ZBTB7A: variants seen among roughly 807,000 people sequenced by gnomAD.
ZBTB7A encodes the protein zinc finger and BTB domain-containing protein 7A.
Under a neutral mutation model 26.7 loss-of-function variants are expected in ZBTB7A, and 7 were observed. That is an observed-to-expected ratio of 0.26 (90% CI 0.15 to 0.49). The LOEUF (loss-of-function observed/expected upper bound fraction) is 0.49, where lower values mean the gene tolerates loss of function less well. Ranked by LOEUF, ZBTB7A falls within the 20% of genes least tolerant of loss-of-function variation. The pLI is 0.98. For synonymous variants in ZBTB7A, 452 were observed against 441.0 expected, an observed-to-expected ratio of 1.02 and a Z score of -0.31; for missense variants, 617 against 919.5, an observed-to-expected ratio of 0.67 and a Z score of 4.25.
Position 4,054,368 on chromosome 19 carries a change from CGGGGGCCGCCTCCGACAGCGA to C in ZBTB7A, c.844_864del (p.Ser282_Pro288del). 6.9e-7 allele frequency: 1 copy of C among 1,452,926 alleles called. No homozygotes were observed. Among genetic ancestry groups the C allele is most frequent in the Non-Finnish European group, 9.0e-7 (1 of 1,113,798 alleles). The allele number at this position is 1,452,926 out of a possible 1,614,324, so 90.0% of individuals were successfully genotyped here. The stretch of plus-strand genomic sequence containing the variant: ...AGGAAGCCCGGAGAGTCGCCCGGCT[CGGGGGCCGCCTCCGACAGCGA>C]GGCGGCCTCCTCCTCTCCGCCGCGG... On this transcript the variant is annotated inframe_deletion, in exon 2 of 3. Coordinates refer to ENST00000322357, the MANE Select transcript of ZBTB7A (RefSeq NM_015898.4).
At chr19:4,055,541 G>A (rs540580357) in intron 1 of ZBTB7A, 4 of 946,320 alleles carry the variant, frequency 4.2e-6, no homozygotes, top group Middle Eastern at 5.4e-4. Context: ...CCCTGGCCTC[G>A]GCCTGGCGCG....
intron 2 of ZBTB7A, among the ~76,000 whole-genome samples, chr19:4,049,164 G>GTATATATA (rs748377446): frequency 7.0e-3 from 147 of 21,070 alleles, no homozygotes; most frequent in Non-Finnish European, 0.015. Flanking sequence ...GTGTGTGTGT[G>GTATATATA]TGTGTATATA....
At chr19:4,063,287 C>A (rs1280925174) in intron 1 of ZBTB7A, among the ~76,000 whole-genome samples, 2 of 152,198 alleles carry the variant, frequency 1.3e-5, no homozygotes, top group African/African-American at 4.8e-5. Context: ...CGGGGCTCAT[C>A]CAAGGTCGCA....
At chr19:4,058,657 T>TGGCCTCCTCCAAA (rs1555693638) in intron 1 of ZBTB7A, among the ~76,000 whole-genome samples, 4 of 151,894 alleles carry the variant, frequency 2.6e-5, no homozygotes, top group Non-Finnish European at 4.4e-5. Context: ...GGGCCTTTCA[T>TGGCCTCCTCCAAA]GGCCTCCTCC....
At chr19:4,065,273 C>A (rs1304535983) in intron 1 of ZBTB7A, among the ~76,000 whole-genome samples, 4 of 149,914 alleles carry the variant, frequency 2.7e-5, no homozygotes, top group Non-Finnish European at 6.0e-5. Flanking sequence ...GGACGGCCGT[C>A]CGGGCAGGGC....
chr19:4,059,440 C>A (rs557596512), intron 1 of ZBTB7A, among the ~76,000 whole-genome samples: 12 of 152,148 alleles, frequency 7.9e-5, no homozygotes, highest in African/African-American at 2.7e-4. Flanking sequence ...CCTGTTCCCC[C>A]CTAAATATCA....
chr19:4,065,748 C>A (rs962555788), intron 1 of ZBTB7A: 3 of 138,198 alleles, frequency 2.2e-5, no homozygotes, highest in Admixed American at 6.9e-5. Flanking sequence ...ACCCCCCCCC[C>A]ACGGGCGGGG....
chr19:4,054,342 C>T lies in ZBTB7A; in HGVS notation c.891G>A (p.Leu297=). The part of the protein sequence containing the change: ...APEPGDSPGF[L]SGAAEGEDGD... ...CGTCCTCGCCCTCGGCCGCTCCCGA[C>T]AGGAAGCCCGGAGAGTCGCCCGGCT... The change falls in exon 2 of 3, where the codon CTG becomes CTA. Residue 297 remains leucine (L), a synonymous_variant. Transcript: ENST00000322357. 1 of 1,504,646 alleles carries T rather than the reference C, an allele frequency of 6.6e-7. No individual in the cohort carries two copies. The highest frequency in any genetic ancestry group is 8.8e-7 in the Non-Finnish European group (1 of 1,134,986). 93.2% of individuals were successfully genotyped at this position (1,504,646 alleles called of 1,614,324 possible).
At chr19:4,064,651 G>A (rs980521398) in intron 1 of ZBTB7A, among the ~76,000 whole-genome samples, 5 of 152,218 alleles carry the variant, frequency 3.3e-5, no homozygotes, top group African/African-American at 1.2e-4. Flanking sequence ...AGGTTGGGGC[G>A]GGGGGCACTG....
rs1247218040 is a variant in ZBTB7A, at chr19:4,055,191, G to A, written c.42C>T (p.Pro14=). 4 of 1,580,234 alleles carry A rather than the reference G, an allele frequency of 2.5e-6. No homozygotes were observed. Among genetic ancestry groups the A allele is most frequent in the Non-Finnish European group, 3.4e-6 (4 of 1,162,704 alleles). ...CACTCAGGATGTCGCTGCTGTGGTC[G>A]GGGAACGGGATCCCGATGGGGCCGT... The part of the protein sequence containing the change: ...GVDGPIGIPF[P]DHSSDILSGL... Residue 14 remains proline (P), a synonymous_variant, in exon 2 of 3, where the codon CCC becomes CCT. Transcript: ENST00000322357.
chr19:4,056,036 C>G (rs2040573710), intron 1 of ZBTB7A, among the ~76,000 whole-genome samples: 1 of 151,802 alleles, frequency 6.6e-6, no homozygotes, highest in Non-Finnish European at 1.5e-5. Context: ...CCTCAGTTTC[C>G]CCAGCTGTGC....
chr19:4,056,641 G>A (rs1399102704), intron 1 of ZBTB7A, among the ~76,000 whole-genome samples: 3 of 151,938 alleles, frequency 2.0e-5, no homozygotes, highest in South Asian at 2.1e-4. Context: ...AGGCCGAGGC[G>A]GGCAGATCAC....
In ZBTB7A at chr19:4,062,946, G is replaced by A. The variant is rs2040654724; in HGVS notation, c.-16+3736C>T. 2.0e-5 allele frequency among the ~76,000 whole-genome samples: 3 copies of A among 152,230 alleles called. No individual in the cohort carries two copies. In the South Asian group the frequency reaches 6.2e-4, roughly 32 times the overall value. On this transcript the variant is annotated intron_variant, in intron 1 of 2. Coordinates refer to ENST00000322357, the MANE Select transcript of ZBTB7A (RefSeq NM_015898.4). The stretch of plus-strand genomic sequence containing the variant: ...TGGGAAGACTGAGGCTGGCAGAGGG[G>A]GAGTGACTGCTGGGGTGGACCCAAG...
intron 1 of ZBTB7A, among the ~76,000 whole-genome samples, chr19:4,060,399 G>A (rs1021716542): frequency 2.0e-5 from 3 of 152,184 alleles, no homozygotes; most frequent in Non-Finnish European, 4.4e-5. Context: ...CGAGAGCCAC[G>A]GCACCCGGGC....
intron 1 of ZBTB7A, among the ~76,000 whole-genome samples, chr19:4,059,401 C>A (rs1395238298): frequency 1.3e-5 from 2 of 152,132 alleles, no homozygotes; most frequent in African/African-American, 4.8e-5. Context: ...AGTCTCTGCC[C>A]TCTCCAGCCT....
intron 1 of ZBTB7A, among the ~76,000 whole-genome samples, chr19:4,060,593 T>C (rs1336705075): frequency 6.6e-6 from 1 of 152,176 alleles, no homozygotes; most frequent in Non-Finnish European, 1.5e-5. Flanking sequence ...CACCCTGACG[T>C]GGCTCAGGGA....
chr19:4,061,389 C>T (rs1186300058), intron 1 of ZBTB7A, among the ~76,000 whole-genome samples: 6 of 152,172 alleles, frequency 3.9e-5, no homozygotes, highest in Non-Finnish European at 7.3e-5. Flanking sequence ...CCCCGCCCAG[C>T]GGCCTGTGTT....
chr19:4,050,272 G>T (rs1450035848), intron 2 of ZBTB7A, among the ~76,000 whole-genome samples: 3 of 152,128 alleles, frequency 2.0e-5, no homozygotes, highest in Non-Finnish European at 4.4e-5. Context: ...TGTTGGCTGG[G>T]CTGGTCTTGA....
chr19:4,063,010 G>A (rs977750553), intron 1 of ZBTB7A, among the ~76,000 whole-genome samples: 1 of 148,102 alleles, frequency 6.8e-6, no homozygotes, highest in Admixed American at 6.7e-5. Flanking sequence ...CCCCACCCAA[G>A]GCTCACCCCC....
Sources: allele counts gnomAD v4.1 joint callset (sites outside exome capture counted in the v4.1 genomes callset), GRCh38; gene constraint gnomAD v4.1.1; transcripts MANE v1.5; gene names NCBI Gene and HGNC (gene_info 2026-07-23, HGNC 2026-07-21).